The following ATP11A variants were observed in gnomAD, a reference collection of about 807,000 sequenced individuals.
ATP11A encodes phospholipid-transporting ATPase IH.
A neutral mutation model predicts 154.4 loss-of-function variants in ATP11A; 81 were observed. That is an observed-to-expected ratio of 0.52 (90% confidence interval 0.44 to 0.63). ATP11A has a LOEUF of 0.63. Ranked by LOEUF, ATP11A falls within the 30% of genes least tolerant of loss-of-function variation. ATP11A has a pLI of 0.00. For synonymous variants in ATP11A, 623 were observed against 585.9 expected, an observed-to-expected ratio of 1.06 and a Z score of -0.91; for missense variants, 1,316 against 1,474.3, an observed-to-expected ratio of 0.89 and a Z score of 1.76.
intron 9 of ATP11A, 69 bp downstream of exon 9, chr13:112,823,478 C>T (rs969688553): frequency 2.4e-5 from 32 of 1,314,746 alleles, no homozygotes; most frequent in Middle Eastern, 3.7e-4. Context: ...AGTTAAAACC[C>T]GCAGCGGAAC....
intron 1 of ATP11A, among the ~76,000 whole-genome samples, chr13:112,765,594 T>C (rs2077056809): frequency 6.6e-6 from 1 of 152,254 alleles, no homozygotes; most frequent in Non-Finnish European, 1.5e-5. Context: ...GCTCAGTCGA[T>C]GTTCATGGTG....
Position 112,857,528 on chromosome 13 carries a change from C to T in ATP11A, c.2419-290C>T, listed in dbSNP as rs189667388. Among the ~76,000 whole-genome samples, 427 of 152,274 alleles carry T rather than the reference C, an allele frequency of 2.8e-3. 9 individuals carry two copies. Among genetic ancestry groups the T allele is most frequent in the Non-Finnish European group, 3.6e-3 (248 of 68,024 alleles). Reference sequence around the variant, plus strand: ...GGAATATAACAATAACTACAAGCTACTTCATATATCTCACATCTCTACTGC... The same window carrying T: ...GGAATATAACAATAACTACAAGCTATTTCATATATCTCACATCTCTACTGC... On this transcript the variant is annotated intron_variant, in intron 20 of 29. Coordinates refer to ENST00000375645, the MANE Select transcript of ATP11A (RefSeq NM_015205.3).
intron 1 of ATP11A, among the ~76,000 whole-genome samples, chr13:112,692,597 T>C (rs1230139519): frequency 6.6e-6 from 1 of 152,246 alleles, no homozygotes; most frequent in Admixed American, 6.5e-5. Flanking sequence ...AAATATTCTT[T>C]AGTGAACTTT....
At chr13:112,743,428 T>A in intron 1 of ATP11A, among the ~76,000 whole-genome samples, 1 of 140,590 alleles carries the variant, frequency 7.1e-6, no homozygotes, top group Non-Finnish European at 1.5e-5. Context: ...CTAGCACTGA[T>A]GGCATAGGCA....
rs58608938 is a variant in ATP11A at position 112,803,078 on chromosome 13, A to G, written c.163-1879A>G. Among the ~76,000 whole-genome samples the G allele has an allele frequency of 6.2e-3, 940 of 152,332 alleles. 9 individuals are homozygous for G. Among genetic ancestry groups the G allele is most frequent in the African/African-American group, 0.021 (884 of 41,568 alleles). On this transcript the variant is annotated intron_variant, in intron 2 of 29. Coordinates refer to ENST00000375645, the MANE Select transcript of ATP11A (RefSeq NM_015205.3). ...TAGTTGTCATGAACTGGGGGGAGCC[A>G]CTACTCTGTTTTTACCCTCATTAAG...
chr13:112,825,410 C>G lies in ATP11A; in HGVS notation c.873-20C>G. 1 of 1,599,744 alleles carries G rather than the reference C, an allele frequency of 6.3e-7. No homozygotes were observed. The highest frequency in any genetic ancestry group is 2.2e-5 in the East Asian group (1 of 44,678). On this transcript the variant is annotated intron_variant, in intron 10 of 29. Coordinates refer to ENST00000375645, the MANE Select transcript of ATP11A (RefSeq NM_015205.3). ...TCATTTCCTCAGGGACCAGTGATCA[C>G]CTCTGTCCTTTTGTTTTAGATCGAT...
intron 12 of ATP11A, among the ~76,000 whole-genome samples, chr13:112,828,823 G>C (rs2079016033): frequency 6.6e-6 from 1 of 152,216 alleles, no homozygotes. Context: ...CCAAAAGGCA[G>C]GTTCATCTGA....
At chr13:112,716,049 C>T (rs1319625014) in intron 1 of ATP11A, among the ~76,000 whole-genome samples, 1 of 152,042 alleles carries the variant, frequency 6.6e-6, no homozygotes, top group Admixed American at 6.5e-5. Context: ...GTGGCTCCTG[C>T]CTGGACTTTG....
rs11616795 is a variant in ATP11A, at chr13:112,875,885, G to A, written c.3271G>A (p.Val1091Ile). The change falls in exon 28 of 30, where the codon GTC (valine) becomes ATC (isoleucine). Residue 1091 changes from valine (V) to isoleucine (I), a missense_variant. By Grantham distance (29) the Val-to-Ile change is conservative. Coordinates refer to ENST00000375645, the MANE Select transcript of ATP11A (RefSeq NM_015205.3). This position sits in a 1 kb window ranked among gnomAD's most constrained non-coding sequence, Gnocchi z 4.1. The stretch of plus-strand genomic sequence containing the variant: ...GGTGACCATCAGCCTCCTTCCCGAC[G>A]TCCTCAAGAAAGTCCTGTGCCGGCA... ...LLVTISLLPD[V>I]LKKVLCRQLW... 0.1 allele frequency: 163,911 copies of A among 1,613,490 alleles called. 9,132 individuals carry two copies. The highest frequency in any genetic ancestry group is 0.16 in the Middle Eastern group (939 of 6,042).
At chr13:112,854,240 G>T in intron 18 of ATP11A, 39 bp from the exon 19 acceptor site, 2 of 1,606,046 alleles carry the variant, frequency 1.2e-6, no homozygotes, top group South Asian at 2.2e-5. Flanking sequence ...GGTCAGCACT[G>T]ACTTTTCTCT....
intron 1 of ATP11A, among the ~76,000 whole-genome samples, chr13:112,772,917 T>C (rs1243729904): frequency 6.6e-6 from 1 of 152,256 alleles, no homozygotes; most frequent in East Asian, 1.9e-4. Flanking sequence ...ATATTCCAGG[T>C]ACAATCTCTA....
chr13:112,872,054 G>C (rs561600077), intron 26 of ATP11A, among the ~76,000 whole-genome samples: 2 of 152,336 alleles, frequency 1.3e-5, no homozygotes, highest in Admixed American at 1.3e-4. Context: ...AACCTCGGGA[G>C]CAAGCTGCTT....
intron 1 of ATP11A, among the ~76,000 whole-genome samples, chr13:112,716,145 G>C (rs1300462041): frequency 1.3e-5 from 2 of 152,216 alleles, no homozygotes; most frequent in African/African-American, 4.8e-5. Context: ...GCCTTCTGCA[G>C]ATGCTGGGAG....
chr13:112,714,750 G>T (rs1888231028), intron 1 of ATP11A, among the ~76,000 whole-genome samples: 1 of 152,178 alleles, frequency 6.6e-6, no homozygotes, highest in African/African-American at 2.4e-5. Flanking sequence ...AGGTCAGTGA[G>T]GCCACTGTGG....
intron 1 of ATP11A, among the ~76,000 whole-genome samples, chr13:112,730,017 A>G (rs282598): frequency 0.24 from 37,052 of 152,128 alleles, 6,040 homozygotes; most frequent in African/African-American, 0.46. Context: ...TGGGAGCTGG[A>G]AGGGTGCAGA....
intron 1 of ATP11A, among the ~76,000 whole-genome samples, chr13:112,784,572 G>A (rs2077575549): frequency 6.7e-6 from 1 of 149,062 alleles, no homozygotes; most frequent in South Asian, 2.1e-4. Flanking sequence ...CCCCCAGGCT[G>A]GAGTGCAGTG....
chr13:112,825,655 A>T, intron 11 of ATP11A, 75 bp downstream of exon 11: 1 of 1,492,690 alleles, frequency 6.7e-7, no homozygotes, highest in African/African-American at 1.4e-5. Context: ...GTGCAAGAAA[A>T]AGATGACGGT....
intron 1 of ATP11A, among the ~76,000 whole-genome samples, chr13:112,720,639 C>T (rs978813695): frequency 6.6e-6 from 1 of 152,104 alleles, no homozygotes; most frequent in African/African-American, 2.4e-5. Flanking sequence ...CTCACTGCAA[C>T]CTCTGCCTCC....
chr13:112,769,963 T>A (rs2077187807), intron 1 of ATP11A, among the ~76,000 whole-genome samples: 1 of 152,030 alleles, frequency 6.6e-6, no homozygotes, highest in South Asian at 2.1e-4. Context: ...GGAGGGTGAA[T>A]CGCATGAAAT....
Sources: gnomAD v4.1 joint callset for allele counts (sites outside exome capture counted in the v4.1 genomes callset) on GRCh38, gnomAD v4.1.1 for gene constraint, Gnocchi (gnomAD v3.1) non-coding constraint, MANE v1.5 for transcripts, NCBI Gene and HGNC (gene_info 2026-07-23, HGNC 2026-07-21) for gene names.